The following TOX variants were observed in gnomAD, a reference collection of about 807,000 sequenced individuals.
The protein encoded by TOX is thymocyte selection associated high mobility group box.
In TOX, 11 loss-of-function variants were observed where a neutral mutation model predicts 53.7. The ratio of observed to expected loss-of-function variants is 0.20; its 90% CI spans 0.13 to 0.34. TOX has a LOEUF of 0.34. Ranked by LOEUF, TOX falls within the 10% of genes least tolerant of loss-of-function variation. The pLI, the probability that TOX is intolerant of heterozygous loss-of-function variation, is 1.00. For missense variants in TOX, 570 were observed against 664.6 expected (o/e 0.86, Z 1.56); for synonymous variants, 225 against 245.3 (o/e 0.92, Z 0.77).
chr8:59,099,389 C>T (rs988463852), intron 1 of TOX, among the ~76,000 whole-genome samples: 1 of 152,154 alleles, frequency 6.6e-6, no homozygotes, highest in Non-Finnish European at 1.5e-5. Flanking sequence ...GATTTCATTG[C>T]TATCACTAAT....
chr8:59,065,612 T>C (rs1804074535), intron 1 of TOX, among the ~76,000 whole-genome samples: 1 of 152,180 alleles, frequency 6.6e-6, no homozygotes, highest in Admixed American at 6.5e-5. Flanking sequence ...AGTGCCTTGT[T>C]CTGAATCATT....
intron 1 of TOX, among the ~76,000 whole-genome samples, chr8:59,005,238 C>T (rs377359207): frequency 6.6e-6 from 1 of 152,074 alleles, no homozygotes; most frequent in Non-Finnish European, 1.5e-5. Context: ...CGGGGTTTCA[C>T]CGTGTTAGCC....
chr8:59,060,408 A>C (rs1803961760), intron 1 of TOX, among the ~76,000 whole-genome samples: 1 of 152,194 alleles, frequency 6.6e-6, no homozygotes, highest in South Asian at 2.1e-4. Context: ...CGGGCAGATC[A>C]CGAGGTCAGG....
chr8:58,835,889 C>A (rs1418756682), intron 5 of TOX, among the ~76,000 whole-genome samples: 3 of 152,204 alleles, frequency 2.0e-5, no homozygotes, highest in Admixed American at 2.0e-4. Flanking sequence ...CACAAACGAG[C>A]CTTGAAACAA....
intron 1 of TOX, among the ~76,000 whole-genome samples, chr8:59,011,219 A>G (rs1234405396): frequency 1.3e-5 from 2 of 152,230 alleles, no homozygotes; most frequent in Non-Finnish European, 2.9e-5. Context: ...AAAGAGACCA[A>G]GGATTAGTCT....
chr8:58,836,281 G>C lies in TOX; in HGVS notation c.924+1800C>G, dbSNP rs112426271. Among the ~76,000 whole-genome samples, 465 of 152,286 alleles carry C rather than the reference G, an allele frequency of 3.1e-3. 3 individuals carry two copies. The highest frequency in any genetic ancestry group is 0.01 in the African/African-American group (434 of 41,548). Reference sequence around the variant, plus strand: ...TGAGTGGAGAAGTCAAGTCACTGTAGAATTCACCCTGATTGTCCAACATCA... The same window carrying C: ...TGAGTGGAGAAGTCAAGTCACTGTACAATTCACCCTGATTGTCCAACATCA... On this transcript the variant is annotated intron_variant, in intron 5 of 8. Coordinates refer to ENST00000361421, the MANE Select transcript of TOX (RefSeq NM_014729.3).
intron 4 of TOX, among the ~76,000 whole-genome samples, chr8:58,848,411 A>C (rs1810754371): frequency 6.6e-6 from 1 of 152,148 alleles, no homozygotes; most frequent in Admixed American, 6.5e-5. Flanking sequence ...TAAATGCAGT[A>C]AAGATTTCAT....
chr8:58,932,955 C>A (rs1812282219), intron 3 of TOX, among the ~76,000 whole-genome samples: 1 of 152,040 alleles, frequency 6.6e-6, no homozygotes, highest in Non-Finnish European at 1.5e-5. Flanking sequence ...GGAAATAAAC[C>A]CCCCAATTTT....
intron 5 of TOX, among the ~76,000 whole-genome samples, chr8:58,828,330 G>T (rs919566706): frequency 6.6e-6 from 1 of 150,848 alleles, no homozygotes; most frequent in African/African-American, 2.4e-5. Flanking sequence ...TTCTCCTAAA[G>T]TGGGGGGCTT....
At position 58,910,952 on chromosome 8, in the gene TOX, C is replaced by T. The variant is rs373059583; in HGVS notation, c.411+28350G>A. Among the ~76,000 whole-genome samples, 126 of 152,276 alleles carry T rather than the reference C, an allele frequency of 8.3e-4. 1 individual carries two copies. Among genetic ancestry groups the T allele is most frequent in the African/African-American group, 2.9e-3 (122 of 41,550 alleles). On this transcript the variant is annotated intron_variant, in intron 3 of 8. Transcript: ENST00000361421. The stretch of plus-strand genomic sequence containing the variant: ...CATGCACCTCGGATAACCAAAGATA[C>T]TTCCTTTCCTAAAGTTATTCCTATA...
intron 3 of TOX, among the ~76,000 whole-genome samples, chr8:58,877,375 A>G: frequency 6.6e-6 from 1 of 152,244 alleles, no homozygotes; most frequent in East Asian, 1.9e-4. Context: ...CAAGAAAATA[A>G]AAGCATAAAT....
intron 1 of TOX, among the ~76,000 whole-genome samples, chr8:58,966,959 C>T (rs1051326731): frequency 6.7e-6 from 1 of 149,636 alleles, no homozygotes; most frequent in Non-Finnish European, 1.5e-5. Flanking sequence ...ACTGCAAGCT[C>T]TGCCTCCCGG....
chr8:58,966,010 G>A (rs1812893030), intron 1 of TOX, among the ~76,000 whole-genome samples: 1 of 144,044 alleles, frequency 6.9e-6, no homozygotes, highest in Admixed American at 7.5e-5. Context: ...ATCAAATATA[G>A]GGTGATAATA....
intron 3 of TOX, among the ~76,000 whole-genome samples, chr8:58,925,149 T>C (rs1291858715): frequency 1.3e-5 from 2 of 152,224 alleles, no homozygotes; most frequent in African/African-American, 4.8e-5. Flanking sequence ...ACCCAAATCC[T>C]ACACTTAGTA....
intron 1 of TOX, among the ~76,000 whole-genome samples, chr8:59,056,947 C>T (rs1411096229): frequency 2.6e-5 from 4 of 152,178 alleles, no homozygotes; most frequent in Admixed American, 6.5e-5. Context: ...AAAGCTGGCC[C>T]TAGCCTTTAC....
At chr8:59,066,411 C>T (rs1804094006) in intron 1 of TOX, among the ~76,000 whole-genome samples, 1 of 151,982 alleles carries the variant, frequency 6.6e-6, no homozygotes, top group African/African-American at 2.4e-5. Context: ...TTTTTCAAAA[C>T]AGATTAATAA....
rs139199809 is a variant in TOX, at chr8:58,843,189, G to A, written c.694-4878C>T. Among the ~76,000 whole-genome samples, 350 of 152,244 alleles carry A rather than the reference G, an allele frequency of 2.3e-3. 7 individuals are homozygous for A. In the East Asian group the frequency reaches 0.035, roughly 15 times the overall value. On this transcript the variant is annotated intron_variant, in intron 4 of 8. Coordinates refer to ENST00000361421, the MANE Select transcript of TOX (RefSeq NM_014729.3). ...CTGCTTTCAGTCAACATCACACTAT[G>A]CCTTCCCTTTAAATACTCATGTTAA...
intron 4 of TOX, among the ~76,000 whole-genome samples, chr8:58,843,749 A>G (rs1276597541): frequency 6.6e-6 from 1 of 152,088 alleles, no homozygotes; most frequent in Admixed American, 6.5e-5. Flanking sequence ...TCTTGTGTGG[A>G]AAGGATGCAG....
intron 1 of TOX, among the ~76,000 whole-genome samples, chr8:59,079,215 A>G (rs1249011004): frequency 6.6e-6 from 1 of 152,218 alleles, no homozygotes; most frequent in Non-Finnish European, 1.5e-5. Flanking sequence ...GGAGCAGAGA[A>G]AGAAAAACCT....
Sources: gnomAD v4.1 joint callset for allele counts (sites outside exome capture counted in the v4.1 genomes callset) on GRCh38, gnomAD v4.1.1 for gene constraint, MANE v1.5 for transcripts, NCBI Gene and HGNC (gene_info 2026-07-23, HGNC 2026-07-21) for gene names.